Variants in MARCHF1 observed in about 807,000 individuals in gnomAD.
The protein encoded by MARCHF1 is E3 ubiquitin-protein ligase MARCHF1.
In MARCHF1, 40 loss-of-function variants were observed where a neutral mutation model predicts 54.2. The ratio of observed to expected loss-of-function variants is 0.74; its 90% CI spans 0.57 to 0.96. The LOEUF (loss-of-function observed/expected upper bound fraction) is 0.96, where lower values mean the gene tolerates loss of function less well. Ranked by LOEUF, MARCHF1 falls within the 40% of genes least tolerant of loss-of-function variation. MARCHF1 has a pLI of 0.00. For missense variants in MARCHF1, 586 were observed against 656.5 expected, an observed-to-expected ratio of 0.89 and a Z score of 1.17; for synonymous variants, 236 against 236.3, an observed-to-expected ratio of 1.00 and a Z score of 0.01.
intron 3 of MARCHF1, among the ~76,000 whole-genome samples, chr4:163,872,165 C>A (rs969161990): frequency 2.6e-5 from 4 of 152,154 alleles, no homozygotes; most frequent in Non-Finnish European, 4.4e-5. Flanking sequence ...CCAGAGGTAG[C>A]CTGCATTGCA....
chr4:163,641,926 T>A (rs1742568619), intron 5 of MARCHF1, among the ~76,000 whole-genome samples: 1 of 152,118 alleles, frequency 6.6e-6, no homozygotes. Flanking sequence ...GAACTGAAGG[T>A]CAATGTAACA....
chr4:164,168,100 G>A (rs1159663518), intron 1 of MARCHF1, among the ~76,000 whole-genome samples: 1 of 151,858 alleles, frequency 6.6e-6, no homozygotes, highest in East Asian at 1.9e-4. Flanking sequence ...TGAAAAATGG[G>A]CAAAGGATCT....
chr4:163,900,364 C>T (rs538512370), intron 3 of MARCHF1, among the ~76,000 whole-genome samples: 11 of 151,686 alleles, frequency 7.3e-5, no homozygotes, highest in East Asian at 1.9e-4. Flanking sequence ...AAAAACTCTC[C>T]AATGTTTACA....
chr4:163,533,764 A>G (rs1406594637), intron 9 of MARCHF1, among the ~76,000 whole-genome samples: 1 of 150,918 alleles, frequency 6.6e-6, no homozygotes, highest in Non-Finnish European at 1.5e-5. Flanking sequence ...AGGTCAGTTT[A>G]TAGAATTTCT....
At chr4:163,776,486 C>A (rs1747308948) in intron 4 of MARCHF1, among the ~76,000 whole-genome samples, 1 of 151,706 alleles carries the variant, frequency 6.6e-6, no homozygotes, top group South Asian at 2.1e-4. Flanking sequence ...AATGTTCATC[C>A]AAGATAAAGC....
intron 8 of MARCHF1, among the ~76,000 whole-genome samples, chr4:163,552,057 T>C (rs1739123686): frequency 6.6e-6 from 1 of 152,178 alleles, no homozygotes; most frequent in Non-Finnish European, 1.5e-5. Context: ...TGTGAGTCTA[T>C]CATTTCCTTA....
intron 4 of MARCHF1, among the ~76,000 whole-genome samples, chr4:163,737,160 C>CTTT (rs201243891): frequency 4.2e-4 from 17 of 40,888 alleles, no homozygotes; most frequent in Middle Eastern, 0.014. Flanking sequence ...CAGCTTTTTT[C>CTTT]TTTCTTTTTT....
At chr4:163,640,888 A>G (rs979038221) in intron 5 of MARCHF1, among the ~76,000 whole-genome samples, 2 of 152,096 alleles carry the variant, frequency 1.3e-5, no homozygotes, top group Non-Finnish European at 2.9e-5. Flanking sequence ...CATATTATCT[A>G]TCGCGAAGAG....
In MARCHF1 at chr4:163,795,910, G is replaced by A. The variant is rs549295023; in HGVS notation, c.111+58111C>T. ...TTGCACATTATATGTATTATATATG[G>A]TATCTTACAATAAAGTAAGCTAGAG... On this transcript the variant is annotated intron_variant, in intron 4 of 9. Transcript: ENST00000514618. 2.6e-5 allele frequency among the ~76,000 whole-genome samples: 4 copies of A among 152,236 alleles called. No homozygotes were observed. In the South Asian group the frequency reaches 8.3e-4, roughly 32 times the overall value.
intron 4 of MARCHF1, among the ~76,000 whole-genome samples, chr4:163,766,954 C>T (rs1746994142): frequency 6.6e-6 from 1 of 151,878 alleles, no homozygotes; most frequent in African/African-American, 2.4e-5. Context: ...CAGTCAATAC[C>T]TATATTGTTA....
In MARCHF1 at chr4:164,258,876, G is replaced by A. The variant is rs1383919915; in HGVS notation, c.-323+124994C>T. Reference sequence around the variant, plus strand: ...AAAACAATGACATGTCAGAATTATAGAAATAAATACTTTTGGGAACCACAT... The same window carrying A: ...AAAACAATGACATGTCAGAATTATAAAAATAAATACTTTTGGGAACCACAT... On this transcript the variant is annotated intron_variant, in intron 1 of 9. Transcript: ENST00000514618. Among the ~76,000 whole-genome samples, 4 of 151,970 alleles carry A rather than the reference G, an allele frequency of 2.6e-5. No homozygotes were observed. The East Asian group carries it at 7.7e-4, about 29-fold the overall frequency.
chr4:164,122,734 C>T (rs528801713), intron 1 of MARCHF1, among the ~76,000 whole-genome samples: 127 of 152,028 alleles, frequency 8.4e-4, no homozygotes, highest in Non-Finnish European at 1.2e-3. Context: ...TGTGTGTTTT[C>T]GTGTCCTAAA....
intron 5 of MARCHF1, among the ~76,000 whole-genome samples, chr4:163,694,585 T>G (rs777954614): frequency 6.6e-6 from 1 of 152,122 alleles, no homozygotes; most frequent in Non-Finnish European, 1.5e-5. Flanking sequence ...CTTGGATGTC[T>G]TGTCCTAGGA....
At chr4:164,315,412 C>A (rs1166878762) in intron 1 of MARCHF1, among the ~76,000 whole-genome samples, 1 of 152,054 alleles carries the variant, frequency 6.6e-6, no homozygotes, top group Non-Finnish European at 1.5e-5. Flanking sequence ...ATGTTTGTAT[C>A]AAAGTTTTCT....
At chr4:163,963,917 G>A (rs998875279) in intron 3 of MARCHF1, among the ~76,000 whole-genome samples, 4 of 151,892 alleles carry the variant, frequency 2.6e-5, no homozygotes, top group Admixed American at 2.0e-4. Flanking sequence ...CAATCCCACT[G>A]CAACAGTAAG....
intron 1 of MARCHF1, among the ~76,000 whole-genome samples, chr4:164,132,442 A>G (rs900544808): frequency 1.3e-5 from 2 of 152,196 alleles, no homozygotes; most frequent in African/African-American, 4.8e-5. Context: ...CATTGTTGGC[A>G]AGAATACATT....
intron 1 of MARCHF1, among the ~76,000 whole-genome samples, chr4:164,276,127 T>G (rs184650758): frequency 6.6e-6 from 1 of 152,302 alleles, no homozygotes; most frequent in Non-Finnish European, 1.5e-5. Flanking sequence ...TTCTTGTTCA[T>G]TCCATTCTAG....
intron 8 of MARCHF1, among the ~76,000 whole-genome samples, chr4:163,567,485 A>G (rs1245551870): frequency 1.3e-5 from 2 of 152,168 alleles, no homozygotes. Context: ...CCCAAATCTC[A>G]TCTTGAATTG....
intron 8 of MARCHF1, among the ~76,000 whole-genome samples, chr4:163,546,856 C>T (rs1029882689): frequency 6.6e-6 from 1 of 152,168 alleles, no homozygotes; most frequent in Non-Finnish European, 1.5e-5. Context: ...GAAGAAATAG[C>T]CTCTCAAAAT....
Sources: allele counts gnomAD v4.1 joint callset (sites outside exome capture counted in the v4.1 genomes callset), GRCh38; gene constraint gnomAD v4.1.1; transcripts MANE v1.5; gene names NCBI Gene and HGNC (gene_info 2026-07-23, HGNC 2026-07-21).